SYT14: variants seen among roughly 807,000 people sequenced by gnomAD.
SYT14 encodes the protein synaptotagmin 14, also known as synaptotagmin-14.
A neutral mutation model predicts 74.2 loss-of-function variants in SYT14; 32 were observed. The ratio of observed to expected loss-of-function variants is 0.43; its 90% CI spans 0.33 to 0.58. The LOEUF (loss-of-function observed/expected upper bound fraction) is 0.58. Among genes scored for constraint, SYT14 ranks in the 20% least tolerant of loss-of-function variants. The probability of loss-of-function intolerance (pLI) is 0.05; values close to 1 mark genes in which losing one functional copy is unlikely to be tolerated. For synonymous variants in SYT14, 298 were observed against 337.7 expected (o/e 0.88, Z 1.29); for missense variants, 791 against 981.8 (o/e 0.81, Z 2.60).
intron 5 of SYT14, among the ~76,000 whole-genome samples, chr1:210,073,421 G>A (rs2081431437): frequency 6.6e-6 from 1 of 151,900 alleles, no homozygotes; most frequent in Non-Finnish European, 1.5e-5. Context: ...TTTTTGAAGT[G>A]TCTGGTTATT....
chr1:210,050,867 A>G (rs539286961), intron 5 of SYT14, among the ~76,000 whole-genome samples: 2 of 152,174 alleles, frequency 1.3e-5, no homozygotes, highest in Non-Finnish European at 2.9e-5. Flanking sequence ...GAATTGTGGG[A>G]GTTACCATTC....
chr1:209,961,184 T>C (rs543442992), intron 2 of SYT14, among the ~76,000 whole-genome samples: 19 of 152,294 alleles, frequency 1.2e-4, no homozygotes, highest in Non-Finnish European at 1.8e-4. Flanking sequence ...TTTGGTAGTG[T>C]TTCAGTTATT....
chr1:209,942,363 C>T (rs1181178721), intron 1 of SYT14, among the ~76,000 whole-genome samples: 2 of 53,986 alleles, frequency 3.7e-5, no homozygotes, highest in Non-Finnish European at 8.6e-5. Flanking sequence ...CAAATTTACC[C>T]CCCCCCCCCC....
chr1:209,984,528 T>C (rs2079540284), intron 2 of SYT14, among the ~76,000 whole-genome samples: 1 of 152,226 alleles, frequency 6.6e-6, no homozygotes, highest in Admixed American at 6.5e-5. Flanking sequence ...AGATGAAAAT[T>C]ATTTTTTAGT....
rs2081854675 is a variant in SYT14, at chr1:210,090,929, T to TA, written c.1313-3387dup. Among the ~76,000 whole-genome samples, 4 of 152,250 alleles carry TA rather than the reference T, an allele frequency of 2.6e-5. No individual in the cohort carries two copies. In the South Asian group the frequency reaches 8.3e-4, roughly 32 times the overall value. On this transcript the variant is annotated intron_variant, in intron 5 of 9. Coordinates refer to ENST00000637265, the Ensembl canonical transcript of SYT14. ...ACCTACATTTGTGTGTTCTACACTTTAAAAAATAAAATGCAAAAATGAAGT... is the reference window on the plus strand; with the variant it reads ...ACCTACATTTGTGTGTTCTACACTTTAAAAAAATAAAATGCAAAAATGAAGT...
exon 9 of SYT14, chr1:210,159,459 C>G: frequency 1.9e-6 from 3 of 1,551,466 alleles, no homozygotes; most frequent in Non-Finnish European, 2.6e-6. Context: ...GATAGGTGGA[C>G]AGGTTTATAT....
chr1:209,952,961 T>A (rs1416749601), intron 2 of SYT14: 23 of 1,265,086 alleles, frequency 1.8e-5, no homozygotes, highest in South Asian at 1.5e-4. Flanking sequence ...ATATTTAGTT[T>A]TGATGGGCTA....
At chr1:210,053,995 G>A (rs1304196879) in intron 5 of SYT14, among the ~76,000 whole-genome samples, 1 of 152,116 alleles carries the variant, frequency 6.6e-6, no homozygotes, top group Non-Finnish European at 1.5e-5. Context: ...GGTATAGAAT[G>A]TCAGTTTGGA....
intron 2 of SYT14, among the ~76,000 whole-genome samples, chr1:209,980,938 T>C (rs2079472535): frequency 1.3e-5 from 2 of 152,228 alleles, no homozygotes; most frequent in Non-Finnish European, 2.9e-5. Context: ...GGGCTCTTTT[T>C]TGTCCATATG....
chr1:210,127,780 C>T (rs1306627537), intron 7 of SYT14, among the ~76,000 whole-genome samples: 1 of 152,146 alleles, frequency 6.6e-6, no homozygotes, highest in East Asian at 1.9e-4. Context: ...AATCCCAGCA[C>T]TTTGGGAGGT....
intron 7 of SYT14, among the ~76,000 whole-genome samples, chr1:210,132,544 T>C (rs1317045819): frequency 1.3e-5 from 2 of 150,610 alleles, no homozygotes; most frequent in East Asian, 3.9e-4. Context: ...CTATAAAGTC[T>C]AAGATGATGA....
At chr1:209,989,321 G>T (rs1371638728) in intron 2 of SYT14, among the ~76,000 whole-genome samples, 1 of 152,156 alleles carries the variant, frequency 6.6e-6, no homozygotes, top group Non-Finnish European at 1.5e-5. Context: ...GAGAGTCCTG[G>T]ATTAGAGAAC....
intron 5 of SYT14, among the ~76,000 whole-genome samples, chr1:210,066,176 G>A (rs1330896300): frequency 9.9e-5 from 15 of 151,980 alleles, no homozygotes; most frequent in South Asian, 4.2e-4. Flanking sequence ...GAATAGTGCC[G>A]CAATAAATAT....
intron 5 of SYT14, among the ~76,000 whole-genome samples, chr1:210,046,628 C>T (rs1398282971): frequency 6.6e-6 from 1 of 152,144 alleles, no homozygotes; most frequent in Non-Finnish European, 1.5e-5. Flanking sequence ...CGTGAAGTCT[C>T]TTGTGTCTGG....
At chr1:210,035,296 G>C (rs74763157) in intron 5 of SYT14, among the ~76,000 whole-genome samples, 24 of 151,804 alleles carry the variant, frequency 1.6e-4, no homozygotes, top group African/African-American at 5.8e-4. Context: ...TGCATTCCTC[G>C]TAGATTCTGG....
rs183430765 is a variant in SYT14, at chr1:209,976,058, A to G, written c.-486+23302A>G. Among the ~76,000 whole-genome samples the G allele has an allele frequency of 8.6e-3, 1,301 of 152,022 alleles. 23 individuals carry two copies. The highest frequency in any genetic ancestry group is 0.03 in the African/African-American group (1,251 of 41,416). ...TGGGATTGGTGGTGATATCCCCTTT[A>G]TCATTTTTTATTGCATCTATTTGAT... On this transcript the variant is annotated intron_variant, in intron 2 of 9. Coordinates refer to ENST00000637265, the Ensembl canonical transcript of SYT14.
chr1:210,063,741 G>A (rs1403158936), intron 5 of SYT14, among the ~76,000 whole-genome samples: 1 of 151,740 alleles, frequency 6.6e-6, no homozygotes, highest in Non-Finnish European at 1.5e-5. Flanking sequence ...AGCTGGAATT[G>A]GTTATTAGTA....
intron 5 of SYT14, among the ~76,000 whole-genome samples, chr1:210,060,208 C>T (rs2081183194): frequency 6.6e-6 from 1 of 152,092 alleles, no homozygotes; most frequent in Non-Finnish European, 1.5e-5. Context: ...AAACTATTAC[C>T]TTAGGCATGT....
chr1:210,013,398 C>T lies in SYT14; in HGVS notation c.-485-235C>T, dbSNP rs117875991. On this transcript the variant is annotated intron_variant, in intron 2 of 9. Transcript: ENST00000637265. ...TCCTGTCTTTCTTTTAAGATTGTTC[C>T]TATGAATTTATAAGGAAACTTAGAA... 8.2e-3 allele frequency among the ~76,000 whole-genome samples: 1,242 copies of T among 152,226 alleles called. 62 individuals carry two copies. Among genetic ancestry groups the T allele is most frequent in the Admixed American group, 0.069 (1,060 of 15,290 alleles).
Sources: gnomAD v4.1 joint callset for allele counts (sites outside exome capture counted in the v4.1 genomes callset) on GRCh38, gnomAD v4.1.1 for gene constraint, MANE v1.5 for transcripts, NCBI Gene and HGNC (gene_info 2026-07-23, HGNC 2026-07-21) for gene names.